Variants in THNSL1 observed in about 807,000 individuals in gnomAD.
THNSL1 encodes the protein threonine synthase like 1.
Under a neutral mutation model 50.4 loss-of-function variants are expected in THNSL1, and 48 were observed. The observed-to-expected ratio is 0.95, with a 90% confidence interval of 0.76 to 1.21. THNSL1 has a LOEUF of 1.21. THNSL1 is among the 50% of genes most tolerant of loss of function. The pLI is 0.00. For synonymous variants in THNSL1, 309 were observed against 306.1 expected (o/e 1.01, Z -0.10); for missense variants, 896 against 871.7 (o/e 1.03, Z -0.35).
the THNSL1 span, among the ~76,000 whole-genome samples, chr10:24,999,203 A>G: frequency 4.6e-5 from 7 of 152,174 alleles, no homozygotes; most frequent in African/African-American, 9.7e-5. Context: ...TCTAAAGTCT[A>G]TTCTGGGGGC....
the THNSL1 span, chr10:24,952,624 G>A: frequency 1.3e-6 from 2 of 1,526,882 alleles, no homozygotes; most frequent in East Asian, 2.4e-5. The surrounding 1 kb of genome is among the most constrained non-coding windows in gnomAD (Gnocchi z 5.1). Flanking sequence ...GAAGGAGCAG[G>A]GAGGGCGAAG....
the THNSL1 span, among the ~76,000 whole-genome samples, chr10:24,961,647 CAT>C: frequency 6.6e-6 from 1 of 151,908 alleles, no homozygotes; most frequent in Non-Finnish European, 1.5e-5. Flanking sequence ...TATTAGCTAA[CAT>C]ATGTTAAAAG....
chr10:24,988,474 T>C, the THNSL1 span, among the ~76,000 whole-genome samples: 1 of 146,388 alleles, frequency 6.8e-6, no homozygotes, highest in African/African-American at 2.5e-5. Flanking sequence ...TTTATTTATA[T>C]ATAAAATACG....
At chr10:24,980,364 C>A in the THNSL1 span, among the ~76,000 whole-genome samples, 5 of 152,236 alleles carry the variant, frequency 3.3e-5, no homozygotes, top group East Asian at 3.9e-4. Flanking sequence ...TCAACTTTTT[C>A]CAACTTCCAC....
upstream of THNSL1, among the ~76,000 whole-genome samples, chr10:25,014,500 CTG>C (rs1171056301): frequency 1.3e-5 from 2 of 151,786 alleles, no homozygotes; most frequent in East Asian, 3.8e-4. Context: ...TGAATAAAGA[CTG>C]TTCCTATAAA....
chr10:25,015,725 T>C, upstream of THNSL1: 1 of 774,168 alleles, frequency 1.3e-6, no homozygotes, highest in Non-Finnish European at 1.8e-6. Flanking sequence ...CTCTAACAAG[T>C]TATCCTCCAA....
chr10:24,957,642 G>A, the THNSL1 span, among the ~76,000 whole-genome samples: 1 of 152,046 alleles, frequency 6.6e-6, no homozygotes, highest in Non-Finnish European at 1.5e-5. Flanking sequence ...CACCACGCCC[G>A]GCTAATTTTT....
chr10:25,023,481 G>C lies in THNSL1; in HGVS notation c.258G>C (p.Val86=). 6.2e-7 allele frequency: 1 copy of C among 1,614,046 alleles called. No homozygotes were observed. The highest frequency in any genetic ancestry group is 8.5e-7 in the Non-Finnish European group (1 of 1,180,014). ...AACTAGGTTGTTGTGTCATAGATGT[G>C]GATGATGATATCCTTGAAAAAACCT... is the stretch of plus-strand genomic sequence containing the variant. ...GQKLGCCVID[V]DDDILEKTWN... The change falls in exon 3 of 3, where the codon GTG becomes GTC. Residue 86 remains valine (V), a synonymous_variant. Coordinates refer to ENST00000376356, the MANE Select transcript of THNSL1 (RefSeq NM_024838.5).
chr10:24,976,413 A>C, the THNSL1 span, among the ~76,000 whole-genome samples: 1 of 152,222 alleles, frequency 6.6e-6, no homozygotes, highest in Admixed American at 6.5e-5. Context: ...ACATGGTTGC[A>C]ATGTTAAAAT....
chr10:25,023,760 A>G lies in THNSL1; in HGVS notation c.537A>G (p.Gly179=), dbSNP rs4748997. Residue 179 remains glycine, a synonymous_variant, in exon 3 of 3, where the codon GGA becomes GGG. Transcript: ENST00000376356. ...KTDRIVGQNS[G]TSMKDLLKFR... ...ATAGGATTGTAGGTCAGAATTCTGG[A>G]ACATCTATGAAAGACTTACTTAAAT... 0.3 allele frequency: 476,164 copies of G among 1,613,660 alleles called. 75,097 individuals are homozygous for G. Among genetic ancestry groups the G allele is most frequent in the East Asian group, 0.51 (22,892 of 44,870 alleles).
At chr10:24,990,867 G>A in the THNSL1 span, among the ~76,000 whole-genome samples, 30 of 143,236 alleles carry the variant, frequency 2.1e-4, 1 homozygote, top group African/African-American at 8.3e-4. Flanking sequence ...GCTGAGGGGT[G>A]GGGGGGTGGA....
At chr10:25,007,522 C>T in the THNSL1 span, among the ~76,000 whole-genome samples, 1 of 152,182 alleles carries the variant, frequency 6.6e-6, no homozygotes, top group Non-Finnish European at 1.5e-5. Context: ...GCAAGCTCCG[C>T]CTCCCGGGTT....
At chr10:24,983,346 G>A in the THNSL1 span, 1 of 151,798 alleles carries the variant, frequency 6.6e-6, no homozygotes, top group Non-Finnish European at 1.5e-5. Flanking sequence ...TACCCACTCT[G>A]TAAGTCTGGG....
At chr10:25,015,263 G>A (rs994053750), upstream of THNSL1, among the ~76,000 whole-genome samples, 1 of 152,050 alleles carries the variant, frequency 6.6e-6, no homozygotes, top group African/African-American at 2.4e-5. Context: ...ATATTTTTTG[G>A]TTCATTATCT....
chr10:25,022,916 T>A (rs1423512776), intron 2 of THNSL1, among the ~76,000 whole-genome samples: 2 of 152,194 alleles, frequency 1.3e-5, no homozygotes, highest in Admixed American at 6.5e-5. Flanking sequence ...AGTTTCTGTT[T>A]TTTATAGTTA....
the THNSL1 span, among the ~76,000 whole-genome samples, chr10:24,959,679 C>CT: frequency 6.8e-3 from 984 of 145,732 alleles, 11 homozygotes; most frequent in African/African-American, 0.021. Context: ...GTTTCCCAAA[C>CT]TTTTTTTTTT....
the THNSL1 span, among the ~76,000 whole-genome samples, chr10:25,000,796 C>T: frequency 6.6e-6 from 1 of 152,060 alleles, no homozygotes; most frequent in Non-Finnish European, 1.5e-5. Context: ...TTTGTTTCTG[C>T]TTAAAGTTTC....
chr10:24,990,696 G>C, the THNSL1 span: 7 of 1,305,904 alleles, frequency 5.4e-6, no homozygotes, highest in Non-Finnish European at 7.3e-6. Flanking sequence ...GGAAGAAAAA[G>C]AAATGGTACA....
At chr10:24,956,030 G>A in the THNSL1 span, among the ~76,000 whole-genome samples, 12 of 152,114 alleles carry the variant, frequency 7.9e-5, no homozygotes, top group Non-Finnish European at 1.5e-4. Context: ...ATAGTCTAGA[G>A]CTGGTATGAG....
Sources: allele counts gnomAD v4.1 joint callset (sites outside exome capture counted in the v4.1 genomes callset), GRCh38; gene constraint gnomAD v4.1.1; non-coding constraint Gnocchi (gnomAD v3.1); transcripts MANE v1.5; gene names NCBI Gene and HGNC (gene_info 2026-07-23, HGNC 2026-07-21).